The following UBE2F variants were observed in gnomAD, a reference collection of about 807,000 sequenced individuals.
UBE2F encodes the protein NEDD8-conjugating enzyme UBE2F.
In UBE2F, 5 loss-of-function variants were observed where a neutral mutation model predicts 29.6. The ratio of observed to expected loss-of-function variants is 0.17; its 90% CI spans 0.09 to 0.36. The LOEUF (loss-of-function observed/expected upper bound fraction) is 0.36, where lower values mean the gene tolerates loss of function less well. UBE2F is among the 10% of genes least tolerant of loss of function. The pLI, the probability that UBE2F is intolerant of heterozygous loss-of-function variation, is 1.00. For synonymous variants in UBE2F, 66 were observed against 81.8 expected (o/e 0.81, Z 1.04); for missense variants, 141 against 228.5 (o/e 0.62, Z 2.47).
intron 1 of UBE2F, chr2:237,968,784 A>AG (rs772749699): frequency 9.6e-6 from 9 of 937,692 alleles, no homozygotes; most frequent in Non-Finnish European, 1.1e-5. Flanking sequence ...TGTTCAGAAC[A>AG]GCTGATCTGT....
intron 4 of UBE2F, among the ~76,000 whole-genome samples, chr2:238,013,240 T>G (rs1465079630): frequency 6.6e-6 from 1 of 151,918 alleles, no homozygotes; most frequent in Non-Finnish European, 1.5e-5. Context: ...CCTGAGCAAT[T>G]GAATGAGACT....
At chr2:237,995,703 T>A (rs4663824) in intron 4 of UBE2F, among the ~76,000 whole-genome samples, 1 of 152,190 alleles carries the variant, frequency 6.6e-6, no homozygotes, top group East Asian at 1.9e-4. Flanking sequence ...TAGGATGGGC[T>A]TTTTCTGTGG....
chr2:238,024,134 C>T (rs980311728), intron 5 of UBE2F, among the ~76,000 whole-genome samples: 17 of 152,130 alleles, frequency 1.1e-4, no homozygotes, highest in African/African-American at 4.1e-4. Flanking sequence ...ATGTGTGTGG[C>T]CTAGAAAAGA....
intron 1 of UBE2F, chr2:237,968,691 G>A (rs2063110731): frequency 5.6e-6 from 1 of 179,224 alleles, no homozygotes; most frequent in African/African-American, 2.4e-5. Context: ...GCTCTTCTCC[G>A]GGCTGTCTGA....
intron 2 of UBE2F, among the ~76,000 whole-genome samples, chr2:237,977,275 T>C (rs910891084): frequency 6.6e-6 from 1 of 152,162 alleles, no homozygotes; most frequent in Non-Finnish European, 1.5e-5. Context: ...CGCTTGAGGC[T>C]ACCATTTCCA....
At chr2:238,022,295 C>T (rs1012243640) in intron 5 of UBE2F, among the ~76,000 whole-genome samples, 3 of 151,780 alleles carry the variant, frequency 2.0e-5, no homozygotes, top group Non-Finnish European at 4.4e-5. Flanking sequence ...TTTCTTAAGT[C>T]GGATGCTGAA....
intron 2 of UBE2F, among the ~76,000 whole-genome samples, chr2:237,984,689 C>T (rs2063443721): frequency 6.6e-6 from 1 of 152,218 alleles, no homozygotes; most frequent in Non-Finnish European, 1.5e-5. Flanking sequence ...AGAGGGTACC[C>T]TTCCCCATGC....
At chr2:237,980,073 A>C (rs557175071) in intron 2 of UBE2F, among the ~76,000 whole-genome samples, 1 of 152,358 alleles carries the variant, frequency 6.6e-6, no homozygotes, top group South Asian at 2.1e-4. Context: ...AGGCAGTGGG[A>C]AGCTAAGAAA....
At chr2:238,016,696 C>T in intron 5 of UBE2F, 63 bp downstream of exon 5, 1 of 1,431,872 alleles carries the variant, frequency 7.0e-7, no homozygotes, top group South Asian at 1.2e-5. Context: ...TGGCTGTGGC[C>T]CGCCACTGGC....
At chr2:238,031,552 A>C (rs779370054) in intron 7 of UBE2F, among the ~76,000 whole-genome samples, 7 of 152,190 alleles carry the variant, frequency 4.6e-5, no homozygotes, top group Non-Finnish European at 1.5e-5. Flanking sequence ...AAAATTACCA[A>C]CTAGCAAAAA....
chr2:238,027,743 A>G (rs1015954782), intron 6 of UBE2F, among the ~76,000 whole-genome samples: 1 of 152,244 alleles, frequency 6.6e-6, no homozygotes, highest in African/African-American at 2.4e-5. Flanking sequence ...AATAAAGGGA[A>G]GGAAAAGCCC....
At chr2:238,001,590 G>GGT (rs896852619) in intron 4 of UBE2F, among the ~76,000 whole-genome samples, 1 of 152,054 alleles carries the variant, frequency 6.6e-6, no homozygotes, top group Non-Finnish European at 1.5e-5. Flanking sequence ...GGCCAAGGCG[G>GGT]GTGGATCATG....
rs752643595 is a variant in UBE2F, at chr2:238,042,484, G to T, written c.*1146G>T. ...CAGTGGCATATGCCATCCTCGGCCA[G>T]GTTAATATACTGCAGAGGAAAAGCC... On this transcript the variant is annotated 3_prime_UTR_variant, in exon 10 of 10. Transcript: ENST00000272930. 9.9e-5 allele frequency: 15 copies of T among 152,264 alleles called. No homozygotes were observed. Among genetic ancestry groups the T allele is most frequent in the Non-Finnish European group, 1.9e-4 (13 of 68,064 alleles). The allele number at this position is 152,264 out of a possible 1,614,324, so 9.4% of individuals were successfully genotyped here. A position where few individuals can be genotyped will look rare whatever the true frequency, so the allele number is the denominator to read the frequency against.
intron 2 of UBE2F, among the ~76,000 whole-genome samples, chr2:237,981,614 CTTTTTTTTTTTTTTTTTTTTT>C (rs139270010): frequency 4.8e-5 from 3 of 62,368 alleles, no homozygotes; most frequent in Non-Finnish European, 8.3e-5. Flanking sequence ...AATTTGAATT[CTTTTTTTTTTTTTTTTTTTTT>C]TTTTTTTTTG....
chr2:237,974,347 C>T (rs2063232496), intron 2 of UBE2F, among the ~76,000 whole-genome samples: 1 of 152,000 alleles, frequency 6.6e-6, no homozygotes, highest in Non-Finnish European at 1.5e-5. Flanking sequence ...TGCGCTACTA[C>T]ACCTGGCTAA....
At chr2:238,029,742 T>C (rs1318266346) in intron 6 of UBE2F, among the ~76,000 whole-genome samples, 1 of 152,242 alleles carries the variant, frequency 6.6e-6, no homozygotes, top group East Asian at 1.9e-4. Context: ...GCGTGTGCCC[T>C]TGGGCGTGTC....
intron 3 of UBE2F, among the ~76,000 whole-genome samples, chr2:237,989,391 C>T (rs992346664): frequency 6.6e-6 from 1 of 152,118 alleles, no homozygotes; most frequent in East Asian, 1.9e-4. Context: ...CTCACTCTGT[C>T]GCCCAGGCTG....
chr2:237,995,756 A>G (rs2063678291), intron 4 of UBE2F, among the ~76,000 whole-genome samples: 1 of 152,168 alleles, frequency 6.6e-6, no homozygotes, highest in Admixed American at 6.5e-5. Context: ...TGGTTTCAAA[A>G]TATCAAAATA....
chr2:238,032,594 G>A (rs1191289050), intron 8 of UBE2F: 2 of 199,534 alleles, frequency 1.0e-5, no homozygotes, highest in East Asian at 1.2e-4. Context: ...CAGCCTGGGC[G>A]ACAGAGACTC....
Sources: gnomAD v4.1 joint callset for allele counts (sites outside exome capture counted in the v4.1 genomes callset) on GRCh38, gnomAD v4.1.1 for gene constraint, MANE v1.5 for transcripts, NCBI Gene and HGNC (gene_info 2026-07-23, HGNC 2026-07-21) for gene names.